The following GPM6A variants were observed in gnomAD, a reference collection of about 807,000 sequenced individuals.
GPM6A encodes glycoprotein M6A.
Under a neutral mutation model 32.1 loss-of-function variants are expected in GPM6A, and 7 were observed. That is an observed-to-expected ratio of 0.22 (90% CI 0.12 to 0.41). The LOEUF (loss-of-function observed/expected upper bound fraction) is 0.41. Ranked by LOEUF, GPM6A falls within the 10% of genes least tolerant of loss-of-function variation. The pLI, the probability that GPM6A is intolerant of heterozygous loss-of-function variation, is 1.00. For synonymous variants in GPM6A, 130 were observed against 123.4 expected (o/e 1.05, Z -0.35); for missense variants, 235 against 347.2 (o/e 0.68, Z 2.57).
intron 1 of GPM6A, among the ~76,000 whole-genome samples, chr4:175,885,417 C>A (rs1196290428): frequency 1.3e-5 from 2 of 152,176 alleles, no homozygotes; most frequent in Admixed American, 1.3e-4. Context: ...ATCTCTTGAG[C>A]CCAGGAATTG....
At chr4:175,878,338 G>A (rs11133118) in intron 1 of GPM6A, among the ~76,000 whole-genome samples, 85,561 of 151,952 alleles carry the variant, frequency 0.56, 24,455 homozygotes, top group East Asian at 0.69. Context: ...TCCTTTCCAA[G>A]TTGCCCTAGC....
intron 1 of GPM6A, among the ~76,000 whole-genome samples, chr4:175,863,530 G>A (rs904777063): frequency 3.3e-5 from 5 of 151,906 alleles, no homozygotes; most frequent in Non-Finnish European, 7.4e-5. Flanking sequence ...CAAATAAAGA[G>A]GCTGTAAACA....
chr4:175,817,008 C>T (rs1365630617), upstream of GPM6A, among the ~76,000 whole-genome samples: 1 of 152,138 alleles, frequency 6.6e-6, no homozygotes, highest in African/African-American at 2.4e-5. Context: ...TACACCCCGC[C>T]ACCACGCCCG....
intron 4 of GPM6A, among the ~76,000 whole-genome samples, chr4:175,643,052 A>G (rs1024235344): frequency 2.0e-5 from 3 of 152,092 alleles, no homozygotes; most frequent in African/African-American, 7.2e-5. Context: ...CATGCAATCT[A>G]TCAGGAAATT....
At chr4:175,635,113 C>T (rs1372882939) in intron 6 of GPM6A, 56 bp from the exon 7 acceptor site, 12 of 1,324,680 alleles carry the variant, frequency 9.1e-6, no homozygotes, top group African/African-American at 1.5e-5. Context: ...CTTCATTACA[C>T]CTTGCTATCT....
At chr4:175,879,628 A>G (rs1433664420) in intron 1 of GPM6A, among the ~76,000 whole-genome samples, 3 of 152,154 alleles carry the variant, frequency 2.0e-5, no homozygotes, top group Non-Finnish European at 2.9e-5. Flanking sequence ...CCCTTGACAC[A>G]TGAGGATTAT....
At chr4:175,849,045 A>T (rs1736172951) in intron 1 of GPM6A, among the ~76,000 whole-genome samples, 1 of 152,204 alleles carries the variant, frequency 6.6e-6, no homozygotes, top group Non-Finnish European at 1.5e-5. Flanking sequence ...TGCATGTGAA[A>T]TGTATTAATT....
chr4:175,921,245 T>TA (rs893195633), intron 1 of GPM6A, among the ~76,000 whole-genome samples: 4 of 151,982 alleles, frequency 2.6e-5, no homozygotes, highest in East Asian at 1.9e-4. Flanking sequence ...GTGATCTATT[T>TA]AAAAAAAATC....
chr4:175,715,735 A>G (rs1319840531), intron 1 of GPM6A, among the ~76,000 whole-genome samples: 1 of 148,926 alleles, frequency 6.7e-6, no homozygotes, highest in African/African-American at 2.5e-5. Context: ...TTTTTTTTGA[A>G]TCTCTTCACT....
At chr4:175,991,677 T>C (rs1741150273) in intron 1 of GPM6A, among the ~76,000 whole-genome samples, 2 of 152,142 alleles carry the variant, frequency 1.3e-5, no homozygotes, top group Admixed American at 6.5e-5. Flanking sequence ...CTTTTATATA[T>C]TTATGTATTT....
chr4:175,812,308 T>TG, upstream of GPM6A: 2 of 1,090,818 alleles, frequency 1.8e-6, no homozygotes, highest in African/African-American at 5.0e-5. Flanking sequence ...GGGGTTTTTT[T>TG]TTTTTTTTTT....
intron 3 of GPM6A, among the ~76,000 whole-genome samples, chr4:175,665,422 G>A (rs1230565215): frequency 1.3e-5 from 2 of 151,846 alleles, no homozygotes; most frequent in East Asian, 1.9e-4. Context: ...AAATAAAATC[G>A]AGCCAGAGAT....
At chr4:175,721,449 C>T (rs1746128923) in intron 1 of GPM6A, among the ~76,000 whole-genome samples, 1 of 151,332 alleles carries the variant, frequency 6.6e-6, no homozygotes, top group Non-Finnish European at 1.5e-5. Context: ...GCACTCCAGT[C>T]TGGGTGACAG....
At chr4:175,695,790 T>G (rs1185614542) in intron 2 of GPM6A, among the ~76,000 whole-genome samples, 1 of 151,970 alleles carries the variant, frequency 6.6e-6, no homozygotes, top group Non-Finnish European at 1.5e-5. Flanking sequence ...GGACATGAGA[T>G]TTGGGAGAGG....
chr4:175,775,105 T>C (rs1369517766), intron 1 of GPM6A, among the ~76,000 whole-genome samples: 2 of 152,134 alleles, frequency 1.3e-5, no homozygotes, highest in Non-Finnish European at 2.9e-5. Flanking sequence ...ACCATATCAG[T>C]GTAAATTTAG....
At chr4:175,673,141 TAATA>T (rs1743174574) in intron 3 of GPM6A, among the ~76,000 whole-genome samples, 1 of 152,138 alleles carries the variant, frequency 6.6e-6, no homozygotes, top group African/African-American at 2.4e-5. Context: ...ACTCATGCAT[TAATA>T]GATAGATACG....
chr4:175,832,351 G>T (rs545746466), intron 1 of GPM6A, among the ~76,000 whole-genome samples: 2 of 152,088 alleles, frequency 1.3e-5, no homozygotes, highest in Admixed American at 6.6e-5. Flanking sequence ...ATAAAGACAA[G>T]GAGGATAAAG....
chr4:175,812,368 G>T (rs1227360283), upstream of GPM6A: 1 of 1,337,242 alleles, frequency 7.5e-7, no homozygotes, highest in Non-Finnish European at 9.5e-7. Flanking sequence ...GCAGTGGCTT[G>T]GGCAAGTCCT....
rs1742555037 is a variant in GPM6A at position 175,663,545 on chromosome 4, A to G, written c.387+10135T>C. Among the ~76,000 whole-genome samples, 3 of 152,320 alleles carry G rather than the reference A, an allele frequency of 2.0e-5. No individual in the cohort carries two copies. The South Asian group carries it at 6.2e-4, about 32-fold the overall frequency. ...GTTTTAAGTGTTCTCAATACAAAAA[A>G]CCATGTGAGGTAATGCGTTTATCAA... is the stretch of plus-strand genomic sequence containing the variant. On this transcript the variant is annotated intron_variant, in intron 3 of 6. Coordinates refer to ENST00000393658, the MANE Select transcript of GPM6A (RefSeq NM_201591.3).
Sources: allele counts gnomAD v4.1 joint callset (sites outside exome capture counted in the v4.1 genomes callset), GRCh38; gene constraint gnomAD v4.1.1; transcripts MANE v1.5; gene names NCBI Gene and HGNC (gene_info 2026-07-23, HGNC 2026-07-21).